TBX19: variants seen among roughly 807,000 people sequenced by gnomAD.
TBX19 encodes T-box transcription factor 19, also known as T-box transcription factor TBX19.
TBX19 carries 33 observed loss-of-function variants against 40.9 expected under a neutral mutation model. The observed-to-expected ratio is 0.81, with a 90% CI of 0.61 to 1.08. The LOEUF is 1.08. TBX19 is among the 50% of genes least tolerant of loss of function. TBX19 has a pLI of 0.00. For missense variants in TBX19, 494 were observed against 574.0 expected (o/e 0.86, Z 1.42); for synonymous variants, 220 against 225.0 (o/e 0.98, Z 0.20).
intron 1 of TBX19, among the ~76,000 whole-genome samples, chr1:168,287,896 T>TA (rs77467148): frequency 0.073 from 9,772 of 133,552 alleles, 675 homozygotes; most frequent in African/African-American, 0.19. Flanking sequence ...GAAAAGAGAG[T>TA]AAAAAAAAAA....
At chr1:168,294,237 T>C (rs1216039362) in intron 3 of TBX19, among the ~76,000 whole-genome samples, 1 of 152,258 alleles carries the variant, frequency 6.6e-6, no homozygotes, top group Non-Finnish European at 1.5e-5. Context: ...TAGGTATATC[T>C]CCTTTTCTGT....
chr1:168,313,259 A>G lies in TBX19; in HGVS notation c.*257A>G, dbSNP rs1252707396. Reference sequence around the variant, plus strand: ...TATTCTTGCCATGCTTAGGTGACAGAAGTTTGTTAAGTACCATCCTTGTGC... The same window carrying G: ...TATTCTTGCCATGCTTAGGTGACAGGAGTTTGTTAAGTACCATCCTTGTGC... On this transcript the variant is annotated 3_prime_UTR_variant, in exon 8 of 8. Transcript: ENST00000367821. 4 of 553,776 alleles carry G rather than the reference A, an allele frequency of 7.2e-6. No individual in the cohort carries two copies. The highest frequency in any genetic ancestry group is 1.9e-5 in the African/African-American group (1 of 52,984). 34.3% of individuals were successfully genotyped at this position (553,776 alleles called of 1,614,324 possible).
chr1:168,285,457 C>T (rs1045808263), intron 1 of TBX19, among the ~76,000 whole-genome samples: 1 of 152,228 alleles, frequency 6.6e-6, no homozygotes, highest in African/African-American at 2.4e-5. Context: ...TTTCTTCTTG[C>T]AAACCTCACT....
At chr1:168,296,077 T>A (rs2102356347) in intron 3 of TBX19, among the ~76,000 whole-genome samples, 1 of 152,194 alleles carries the variant, frequency 6.6e-6, no homozygotes, top group Admixed American at 6.5e-5. Context: ...CAACAAAGCT[T>A]CCCTGCCAAG....
intron 1 of TBX19, among the ~76,000 whole-genome samples, chr1:168,287,214 A>G (rs1228918753): frequency 6.6e-6 from 1 of 152,184 alleles, no homozygotes; most frequent in African/African-American, 2.4e-5. Flanking sequence ...TGCCTCAGCC[A>G]CTTTGGTCTT....
At chr1:168,283,357 A>T (rs1433067879) in intron 1 of TBX19, among the ~76,000 whole-genome samples, 3 of 152,150 alleles carry the variant, frequency 2.0e-5, no homozygotes, top group Non-Finnish European at 4.4e-5. Flanking sequence ...GGAGCCCTTT[A>T]GGGTCAAGAT....
intron 1 of TBX19, among the ~76,000 whole-genome samples, chr1:168,283,064 G>A (rs10753770): frequency 0.65 from 98,701 of 152,036 alleles, 32,179 homozygotes; most frequent in Non-Finnish European, 0.68. Context: ...CTTCACATCA[G>A]CCCAGTGTGG....
In TBX19 at chr1:168,313,052, G is replaced by A; in HGVS notation, c.*50G>A. ...ACAGCGATCCTTCCATGTGTAGAGT[G>A]CTTAGAAACCCCATCAACTGATCTA... On this transcript the variant is annotated 3_prime_UTR_variant, in exon 8 of 8. Transcript: ENST00000367821. The A allele has an allele frequency of 1.2e-6, 2 of 1,607,782 alleles. No homozygotes were observed. Among genetic ancestry groups the A allele is most frequent in the Non-Finnish European group, 1.7e-6 (2 of 1,174,930 alleles).
chr1:168,305,366 A>G (rs554156541), intron 6 of TBX19, among the ~76,000 whole-genome samples, 170 bp downstream of exon 6: 91 of 151,588 alleles, frequency 6.0e-4, no homozygotes, highest in African/African-American at 2.0e-3. Flanking sequence ...TTTTATGTAC[A>G]AATATTTGAT....
chr1:168,281,002 T>C lies in TBX19; in HGVS notation c.-89T>C. ...CTCCGCTCCCCAAGCACTGTTCAAG[T>C]GGGTTTGAAAAGCAGGCAAGTGAGG... On this transcript the variant is annotated 5_prime_UTR_variant, in exon 1 of 8. Transcript: ENST00000367821. 1 of 1,251,694 alleles carries C rather than the reference T, an allele frequency of 8.0e-7. No homozygotes were observed. Among genetic ancestry groups the C allele is most frequent in the Non-Finnish European group, 1.2e-6 (1 of 865,058 alleles). 77.5% of individuals were successfully genotyped at this position (1,251,694 alleles called of 1,614,324 possible). A position where few individuals can be genotyped will look rare whatever the true frequency, so the allele number is the denominator to read the frequency against.
chr1:168,309,982 A>G (rs1649484419), intron 7 of TBX19, among the ~76,000 whole-genome samples: 3 of 152,154 alleles, frequency 2.0e-5, no homozygotes, highest in Non-Finnish European at 4.4e-5. Flanking sequence ...GAATTTTGAG[A>G]AGGTCCAAAG....
intron 1 of TBX19, among the ~76,000 whole-genome samples, chr1:168,283,913 G>T (rs376901243): frequency 6.6e-6 from 1 of 152,164 alleles, no homozygotes; most frequent in East Asian, 1.9e-4. Flanking sequence ...AAGATGGGCC[G>T]ATGAAAGAGT....
chr1:168,291,476 C>G (rs1224852428), intron 2 of TBX19, 52 bp downstream of exon 2: 1 of 1,612,878 alleles, frequency 6.2e-7, no homozygotes, highest in South Asian at 1.1e-5. Context: ...CCCCACAACA[C>G]CAATCAAGAA....
chr1:168,301,491 G>A (rs1649273692), intron 5 of TBX19, among the ~76,000 whole-genome samples: 1 of 152,114 alleles, frequency 6.6e-6, no homozygotes, highest in Non-Finnish European at 1.5e-5. Context: ...TTGAACTCCT[G>A]ACCTTGTGAT....
At chr1:168,283,722 G>A (rs1558188455) in intron 1 of TBX19, among the ~76,000 whole-genome samples, 2 of 152,122 alleles carry the variant, frequency 1.3e-5, no homozygotes, top group Non-Finnish European at 2.9e-5. Context: ...CTTCCCTGTG[G>A]AGAAGAATGT....
At chr1:168,284,011 A>G (rs1274694680) in intron 1 of TBX19, among the ~76,000 whole-genome samples, 1 of 152,186 alleles carries the variant, frequency 6.6e-6, no homozygotes, top group Non-Finnish European at 1.5e-5. Context: ...TGTAAAGAGA[A>G]AGGCTTTTCT....
intron 6 of TBX19, among the ~76,000 whole-genome samples, chr1:168,307,157 A>G (rs749464079): frequency 2.0e-5 from 3 of 152,058 alleles, no homozygotes; most frequent in Non-Finnish European, 2.9e-5. Context: ...TGTAAGAGTT[A>G]GGGCTGGAGA....
intron 6 of TBX19, among the ~76,000 whole-genome samples, chr1:168,307,234 A>G (rs1383835460): frequency 6.6e-6 from 1 of 152,200 alleles, no homozygotes; most frequent in Non-Finnish European, 1.5e-5. Flanking sequence ...TTGTGGCGCT[A>G]TAACAAAATA....
intron 1 of TBX19, among the ~76,000 whole-genome samples, chr1:168,285,767 G>GA (rs138078584): frequency 2.0e-5 from 3 of 152,186 alleles, no homozygotes; most frequent in Non-Finnish European, 4.4e-5. Context: ...CTACATCTAG[G>GA]AAAAAAATGG....
Sources: gnomAD v4.1 joint callset for allele counts (sites outside exome capture counted in the v4.1 genomes callset) on GRCh38, gnomAD v4.1.1 for gene constraint, MANE v1.5 for transcripts, NCBI Gene and HGNC (gene_info 2026-07-23, HGNC 2026-07-21) for gene names.